CBL: variants seen among roughly 807,000 people sequenced by gnomAD.
The protein encoded by CBL is E3 ubiquitin-protein ligase CBL.
A neutral mutation model predicts 96.9 loss-of-function variants in CBL; 45 were observed. That is an observed-to-expected ratio of 0.46 (90% confidence interval 0.37 to 0.60). The LOEUF (loss-of-function observed/expected upper bound fraction) is 0.60. CBL is among the 20% of genes least tolerant of loss of function. The probability of loss-of-function intolerance (pLI) is 0.00; values close to 1 mark genes in which losing one functional copy is unlikely to be tolerated. For missense variants in CBL, 1,024 were observed against 1,143.5 expected, an observed-to-expected ratio of 0.90 and a Z score of 1.51; for synonymous variants, 420 against 426.8, an observed-to-expected ratio of 0.98 and a Z score of 0.20.
In CBL at chr11:119,260,390, C is replaced by T. The variant is rs983778572; in HGVS notation, c.444-11345C>T. 4.6e-5 allele frequency among the ~76,000 whole-genome samples: 7 copies of T among 151,974 alleles called. No homozygotes were observed. The East Asian group carries it at 7.7e-4, about 17-fold the overall frequency. ...TCCCGAGTAGCTGCGACTACAGGCA[C>T]GTGCCATCACGCCTGGCTAATTTTT... On this transcript the variant is annotated intron_variant, in intron 2 of 15. Transcript: ENST00000264033.
chr11:119,292,525 A>T (rs986253407), intron 12 of CBL, among the ~76,000 whole-genome samples: 5 of 151,812 alleles, frequency 3.3e-5, no homozygotes, highest in Non-Finnish European at 7.4e-5. Flanking sequence ...GGTTCATGCC[A>T]TTCTCCTGCC....
chr11:119,263,924 C>T (rs1949774496), intron 2 of CBL, among the ~76,000 whole-genome samples: 1 of 152,148 alleles, frequency 6.6e-6, no homozygotes, highest in South Asian at 2.1e-4. Context: ...TGAAATAGTA[C>T]CAGTAAATGA....
chr11:119,232,723 T>G, intron 2 of CBL, 28 bp downstream of exon 2: 2 of 1,608,184 alleles, frequency 1.2e-6, no homozygotes, highest in Non-Finnish European at 1.7e-6. Flanking sequence ...CACAAATAAT[T>G]ATGCAGGTCT....
Position 119,275,162 on chromosome 11 carries a change from C to T in CBL, c.869+209C>T, listed in dbSNP as rs577569140. On this transcript the variant is annotated intron_variant, in intron 5 of 15. Transcript: ENST00000264033. ...GCCACTTAAGAATTGAATTTATGGC[C>T]GGGCACAGTGGCTCACGCCTGTCAT... 3.9e-5 allele frequency among the ~76,000 whole-genome samples: 6 copies of T among 152,274 alleles called. 1 individual carries two copies. In the South Asian group the frequency reaches 6.2e-4, roughly 16 times the overall value.
At chr11:119,238,553 G>A (rs1417653150) in intron 2 of CBL, among the ~76,000 whole-genome samples, 3 of 152,022 alleles carry the variant, frequency 2.0e-5, no homozygotes, top group African/African-American at 7.2e-5. Context: ...GCAGGGGCTG[G>A]GTGTGGTGGT....
At position 119,287,869 on chromosome 11, in the gene CBL, A is replaced by G. The variant is rs752080219; in HGVS notation, c.1959A>G (p.Pro653=). 17 of 1,611,572 alleles carry G rather than the reference A, an allele frequency of 1.1e-5. No homozygotes were observed. The Admixed American group carries it at 2.8e-4, about 27-fold the overall frequency. The change falls in exon 12 of 16, where the codon CCA becomes CCG. Residue 653 remains proline, a synonymous_variant. Coordinates refer to ENST00000264033, the MANE Select transcript of CBL (RefSeq NM_005188.4). ...LDTSMSMNSS[P]LVGPECDHPK... is the part of the protein sequence containing the mutation. ...CTTTCCAGAGTATGAATAGCAGCCC[A>G]TTAGTAGGTCCAGAGTGTGACCACC...
At chr11:119,292,839 A>G (rs1291435717) in intron 12 of CBL, among the ~76,000 whole-genome samples, 1 of 151,940 alleles carries the variant, frequency 6.6e-6, no homozygotes, top group Non-Finnish European at 1.5e-5. Context: ...TGTGTTGCCC[A>G]GTTTTATTTT....
In CBL at chr11:119,298,442, C is replaced by T. The variant is rs765208946; in HGVS notation, c.2336C>T (p.Pro779Leu). The change falls in exon 15 of 16, where the codon CCA (proline) becomes CTA (leucine). Residue 779 changes from proline (P) to leucine (L), a missense_variant. By Grantham distance (98) the Pro-to-Leu change is moderately conservative. Coordinates refer to ENST00000264033, the MANE Select transcript of CBL (RefSeq NM_005188.4). ...NEDDGYDVPK[P>L]PVPAVLARRT... is the part of the protein sequence containing the mutation. ...GATGATGGGTATGATGTCCCAAAGC[C>T]ACCTGTGCCGGCCGTGCTGGCCCGC... The T allele has an allele frequency of 3.1e-6, 5 of 1,614,198 alleles. No homozygotes were observed. Among genetic ancestry groups the T allele is most frequent in the South Asian group, 2.2e-5 (2 of 91,084 alleles).
In CBL at chr11:119,304,888, G is replaced by A. The variant is rs1195193525; in HGVS notation, c.*5107G>A. 2 of 191,000 alleles carry A rather than the reference G, an allele frequency of 1.0e-5. No individual in the cohort carries two copies. Among genetic ancestry groups the A allele is most frequent in the East Asian group, 1.7e-4 (2 of 12,118 alleles). The allele number at this position is 191,000 out of a possible 1,614,324, so 11.8% of individuals were successfully genotyped here. ...GATCCACCCACCTCGGCCTCCCAAA[G>A]TGCTAAGATTACAGGCGTGAGCCAC... On this transcript the variant is annotated 3_prime_UTR_variant, in exon 16 of 16. Transcript: ENST00000264033.
intron 1 of CBL, among the ~76,000 whole-genome samples, chr11:119,219,689 T>A (rs534048569): frequency 5.3e-4 from 80 of 151,706 alleles, no homozygotes; most frequent in African/African-American, 1.9e-3. Flanking sequence ...GCCTTTTTTT[T>A]TTTTTTTATT....
chr11:119,217,635 A>G (rs1949372992), intron 1 of CBL, among the ~76,000 whole-genome samples: 1 of 152,116 alleles, frequency 6.6e-6, no homozygotes, highest in South Asian at 2.1e-4. Context: ...ACCAGACTTG[A>G]TATAGGAAGG....
intron 2 of CBL, among the ~76,000 whole-genome samples, chr11:119,236,034 T>C (rs1949543279): frequency 6.6e-6 from 1 of 151,202 alleles, no homozygotes; most frequent in Non-Finnish European, 1.5e-5. Context: ...TACTTAGAGG[T>C]TTTTTTTTCC....
intron 2 of CBL, among the ~76,000 whole-genome samples, chr11:119,247,294 A>T (rs1008698789): frequency 2.0e-5 from 3 of 152,204 alleles, no homozygotes; most frequent in Admixed American, 6.5e-5. Context: ...CTTTTGCCAC[A>T]TCTCATCAAC....
rs188633759 is a variant in CBL at position 119,233,578 on chromosome 11, A to C, written c.443+883A>C. On this transcript the variant is annotated intron_variant, in intron 2 of 15. Transcript: ENST00000264033. ...TACCAGAAACTATAGGCTATCCTGC[A>C]TATTGTTAGCTTAGCTGTCGTAAAT... 4.9e-3 allele frequency among the ~76,000 whole-genome samples: 748 copies of C among 152,348 alleles called. 2 individuals are homozygous for C. The highest frequency in any genetic ancestry group is 8.1e-3 in the Non-Finnish European group (552 of 68,032).
chr11:119,225,940 G>A (rs1280802313), intron 1 of CBL, among the ~76,000 whole-genome samples: 1 of 152,002 alleles, frequency 6.6e-6, no homozygotes, highest in Non-Finnish European at 1.5e-5. Context: ...TGTCGGCCAG[G>A]CTGGTCTCAA....
At chr11:119,230,297 C>T (rs1268989257) in intron 1 of CBL, among the ~76,000 whole-genome samples, 7 of 151,988 alleles carry the variant, frequency 4.6e-5, no homozygotes, top group Admixed American at 1.3e-4. Flanking sequence ...GGACTACAGG[C>T]GCCCGCCACC....
At chr11:119,258,995 C>T (rs1322397996) in intron 2 of CBL, among the ~76,000 whole-genome samples, 1 of 152,126 alleles carries the variant, frequency 6.6e-6, no homozygotes, top group African/African-American at 2.4e-5. Context: ...TCTTTCATCT[C>T]CTTGGTTAAA....
chr11:119,271,037 T>C (rs951699347), intron 2 of CBL, among the ~76,000 whole-genome samples: 1 of 152,230 alleles, frequency 6.6e-6, no homozygotes, highest in African/African-American at 2.4e-5. Flanking sequence ...GTAAAATTTA[T>C]CTCTTTAAGG....
At position 119,305,353 on chromosome 11, in the gene CBL, T is replaced by A. The variant is rs531054397; in HGVS notation, c.*5572T>A. The A allele has an allele frequency of 4.3e-6, 1 of 231,900 alleles. No individual in the cohort carries two copies. Among genetic ancestry groups the A allele is most frequent in the Non-Finnish European group, 8.5e-6 (1 of 117,168 alleles). The allele number at this position is 231,900 out of a possible 1,614,324, so 14.4% of individuals were successfully genotyped here. On this transcript the variant is annotated 3_prime_UTR_variant, in exon 16 of 16. Transcript: ENST00000264033. ...TCCTTAGCCTCCATTCAGCCTCAGG[T>A]CTTTTGCCTTCTTCCGTGTTTATTT...
Sources: gnomAD v4.1 joint callset for allele counts (sites outside exome capture counted in the v4.1 genomes callset) on GRCh38, gnomAD v4.1.1 for gene constraint, MANE v1.5 for transcripts, NCBI Gene and HGNC (gene_info 2026-07-23, HGNC 2026-07-21) for gene names.